Variants in CCSER1 observed in about 807,000 individuals in gnomAD.
CCSER1 encodes the protein coiled-coil serine rich protein 1.
A neutral mutation model predicts 82.0 loss-of-function variants in CCSER1; 41 were observed. That is an observed-to-expected ratio of 0.50 (90% confidence interval 0.39 to 0.65). The LOEUF (loss-of-function observed/expected upper bound fraction) is 0.65. CCSER1 is among the 30% of genes least tolerant of loss of function. The pLI, the probability that CCSER1 is intolerant of heterozygous loss-of-function variation, is 0.00. For missense variants in CCSER1, 1,119 were observed against 1,064.2 expected, an observed-to-expected ratio of 1.05 and a Z score of -0.72; for synonymous variants, 414 against 383.9, an observed-to-expected ratio of 1.08 and a Z score of -0.92.
At chr4:90,861,240 T>C (rs1765052772) in intron 8 of CCSER1, among the ~76,000 whole-genome samples, 1 of 151,690 alleles carries the variant, frequency 6.6e-6, no homozygotes, top group Non-Finnish European at 1.5e-5. Flanking sequence ...TGTCTACTAA[T>C]GATATGAGAG....
chr4:91,572,535 G>T (rs1291973865), intron 10 of CCSER1, among the ~76,000 whole-genome samples: 2 of 152,130 alleles, frequency 1.3e-5, no homozygotes, highest in Non-Finnish European at 2.9e-5. Flanking sequence ...ACGGTAGCCT[G>T]GTGCTTCCTC....
At chr4:90,836,644 A>G (rs1580708100) in intron 8 of CCSER1, among the ~76,000 whole-genome samples, 2 of 152,224 alleles carry the variant, frequency 1.3e-5, no homozygotes. Context: ...AGCAGCAGCC[A>G]CAGCCACACA....
intron 10 of CCSER1, among the ~76,000 whole-genome samples, chr4:91,485,754 T>A (rs1335594230): frequency 6.6e-6 from 1 of 152,170 alleles, no homozygotes; most frequent in East Asian, 1.9e-4. Context: ...TAAAATGGCA[T>A]TATTTTCACT....
At chr4:90,705,360 A>T (rs1487462653) in intron 6 of CCSER1, among the ~76,000 whole-genome samples, 1 of 152,196 alleles carries the variant, frequency 6.6e-6, no homozygotes, top group African/African-American at 2.4e-5. Context: ...GTACCCGGCC[A>T]TGTGAGTTGT....
At chr4:90,270,149 A>T (rs1725987638) in intron 1 of CCSER1, among the ~76,000 whole-genome samples, 1 of 152,092 alleles carries the variant, frequency 6.6e-6, no homozygotes. Flanking sequence ...GGAAGTGGGA[A>T]TACTTCCAAA....
intron 10 of CCSER1, among the ~76,000 whole-genome samples, chr4:91,269,329 A>C (rs1321235014): frequency 1.3e-5 from 2 of 152,252 alleles, no homozygotes; most frequent in Non-Finnish European, 2.9e-5. Context: ...TAAAATGCAC[A>C]CATCTGAATA....
At chr4:91,366,322 T>G (rs916112968) in intron 10 of CCSER1, among the ~76,000 whole-genome samples, 3 of 152,180 alleles carry the variant, frequency 2.0e-5, no homozygotes, top group African/African-American at 7.2e-5. Context: ...TGCCTGGACC[T>G]CTCACCTATT....
intron 1 of CCSER1, among the ~76,000 whole-genome samples, chr4:90,271,741 A>G (rs1045480295): frequency 6.8e-5 from 10 of 147,970 alleles, no homozygotes; most frequent in African/African-American, 2.5e-4. Context: ...CAAACTGTCC[A>G]TCTGACAAGG....
chr4:91,080,009 A>C (rs528934638), intron 9 of CCSER1, among the ~76,000 whole-genome samples: 1 of 152,214 alleles, frequency 6.6e-6, no homozygotes, highest in African/African-American at 2.4e-5. Context: ...ACAGATCAAC[A>C]AGACAGAAAG....
At chr4:91,485,830 T>G (rs919488216) in intron 10 of CCSER1, among the ~76,000 whole-genome samples, 4 of 152,066 alleles carry the variant, frequency 2.6e-5, no homozygotes, top group African/African-American at 9.7e-5. Flanking sequence ...ACAACAATGA[T>G]TTAAATCCTT....
intron 10 of CCSER1, among the ~76,000 whole-genome samples, chr4:91,500,702 A>G (rs1759162738): frequency 1.3e-5 from 2 of 152,124 alleles, no homozygotes. Flanking sequence ...TTACTCAAAC[A>G]TTTTGTGCTT....
chr4:90,233,721 A>C (rs1412048169), intron 1 of CCSER1, among the ~76,000 whole-genome samples: 2 of 151,692 alleles, frequency 1.3e-5, no homozygotes, highest in Non-Finnish European at 2.9e-5. Context: ...TGGCCATAAA[A>C]AAAAAAAAAA....
chr4:90,453,901 GA>G (rs1761826338), intron 4 of CCSER1, among the ~76,000 whole-genome samples: 2 of 152,130 alleles, frequency 1.3e-5, no homozygotes, highest in South Asian at 4.1e-4. Context: ...TCAACTTTCA[GA>G]ATCACCCTGG....
chr4:90,263,375 T>C lies in CCSER1; in HGVS notation c.-41-44869T>C, dbSNP rs552635435. Among the ~76,000 whole-genome samples, 166 of 152,260 alleles carry C rather than the reference T, an allele frequency of 1.1e-3. 1 individual carries two copies. The highest frequency in any genetic ancestry group is 3.6e-3 in the African/African-American group (149 of 41,560). ...TGAACTGACTTTAAGTCTCCCAGCA[T>C]TGGGAAGCAGCACCAGCTCTGATGG... On this transcript the variant is annotated intron_variant, in intron 1 of 10. Transcript: ENST00000509176.
chr4:91,106,188 T>C (rs555261134), intron 10 of CCSER1, among the ~76,000 whole-genome samples: 3 of 152,350 alleles, frequency 2.0e-5, no homozygotes, highest in African/African-American at 7.2e-5. Context: ...GGCCAGGTGT[T>C]GTTGTAAGCA....
chr4:90,342,645 T>G (rs546748298), intron 3 of CCSER1, among the ~76,000 whole-genome samples: 1 of 152,324 alleles, frequency 6.6e-6, no homozygotes, highest in African/African-American at 2.4e-5. Flanking sequence ...AGTATCCCTC[T>G]GTCACCTGCT....
At position 91,361,313 on chromosome 4, in the gene CCSER1, T is replaced by C. The variant is rs1045152646; in HGVS notation, c.2218-237259T>C. 1.2e-4 allele frequency among the ~76,000 whole-genome samples: 18 copies of C among 151,774 alleles called. 1 individual carries two copies. Among genetic ancestry groups the C allele is most frequent in the African/African-American group, 4.4e-4 (18 of 41,338 alleles). Reference sequence around the variant, plus strand: ...AAAGGTGACATGATGTGAATTTTACTTTAGGAAGAAAATACCAACAGCAGA... The same window carrying C: ...AAAGGTGACATGATGTGAATTTTACCTTAGGAAGAAAATACCAACAGCAGA... On this transcript the variant is annotated intron_variant, in intron 10 of 10. Transcript: ENST00000509176.
At chr4:91,069,234 T>C (rs1721178418) in intron 9 of CCSER1, among the ~76,000 whole-genome samples, 2 of 152,094 alleles carry the variant, frequency 1.3e-5, no homozygotes, top group Admixed American at 6.5e-5. Flanking sequence ...TTATAGCCAA[T>C]AGAGATATTC....
At chr4:90,895,366 T>C (rs561453480) in intron 8 of CCSER1, among the ~76,000 whole-genome samples, 1 of 152,046 alleles carries the variant, frequency 6.6e-6, no homozygotes, top group South Asian at 2.1e-4. Context: ...ATTTGATGAT[T>C]GGCTTCCAAG....
Sources: gnomAD v4.1 joint callset for allele counts (sites outside exome capture counted in the v4.1 genomes callset) on GRCh38, gnomAD v4.1.1 for gene constraint, MANE v1.5 for transcripts, NCBI Gene and HGNC (gene_info 2026-07-23, HGNC 2026-07-21) for gene names.